Variants in NLGN1 observed in about 807,000 individuals in gnomAD.
The protein encoded by NLGN1 is neuroligin-1.
In NLGN1, 12 loss-of-function variants were observed where a neutral mutation model predicts 65.5. That is an observed-to-expected ratio of 0.18 (90% CI 0.12 to 0.30). NLGN1 has a LOEUF of 0.30. Among genes scored for constraint, NLGN1 ranks in the 10% least tolerant of loss-of-function variants. The pLI, the probability that NLGN1 is intolerant of heterozygous loss-of-function variation, is 1.00. For synonymous variants in NLGN1, 350 were observed against 359.5 expected (o/e 0.97, Z 0.30); for missense variants, 750 against 1,007.1 (o/e 0.74, Z 3.46).
At chr3:173,437,513 G>A (rs1191360450) in intron 2 of NLGN1, among the ~76,000 whole-genome samples, 1 of 152,170 alleles carries the variant, frequency 6.6e-6, no homozygotes, top group Non-Finnish European at 1.5e-5. Flanking sequence ...GCTTTTGAAC[G>A]TTGATGGATA....
intron 3 of NLGN1, among the ~76,000 whole-genome samples, chr3:173,788,775 C>G (rs1263878091): frequency 7.6e-6 from 1 of 131,522 alleles, no homozygotes; most frequent in Non-Finnish European, 1.5e-5. Context: ...GTGCCATGAT[C>G]ACACCTGTGA....
intron 2 of NLGN1, chr3:173,585,015 G>A (rs1231211216): frequency 4.6e-5 from 7 of 152,248 alleles, no homozygotes; most frequent in Non-Finnish European, 1.0e-4. Context: ...GGCTCCCTCT[G>A]TGGATTTATC....
chr3:173,868,794 G>A (rs1484226870), intron 4 of NLGN1, among the ~76,000 whole-genome samples: 1 of 152,126 alleles, frequency 6.6e-6, no homozygotes, highest in Non-Finnish European at 1.5e-5. Context: ...ATTTTAACAA[G>A]CATCTCAGGT....
chr3:173,895,304 G>C (rs1433250554), intron 4 of NLGN1, among the ~76,000 whole-genome samples: 1 of 152,076 alleles, frequency 6.6e-6, no homozygotes, highest in Non-Finnish European at 1.5e-5. Flanking sequence ...TATAGTCACA[G>C]GTTCTTGGGA....
chr3:174,009,965 C>T (rs575347165), intron 4 of NLGN1, among the ~76,000 whole-genome samples: 3 of 152,142 alleles, frequency 2.0e-5, no homozygotes, highest in African/African-American at 7.2e-5. Flanking sequence ...GAGCATCCCC[C>T]TAACCTGGTA....
chr3:173,539,392 AACAT>A (rs951022218), intron 2 of NLGN1, among the ~76,000 whole-genome samples: 1 of 146,886 alleles, frequency 6.8e-6, no homozygotes, highest in African/African-American at 2.5e-5. Context: ...ATATATAAAA[AACAT>A]ATATATGTTA....
intron 2 of NLGN1, among the ~76,000 whole-genome samples, chr3:173,482,480 C>G (rs912335941): frequency 4.6e-5 from 7 of 151,874 alleles, no homozygotes; most frequent in African/African-American, 1.7e-4. Context: ...TCAGAAATTT[C>G]CTGGATAGAT....
At chr3:173,769,541 T>C (rs185067219) in intron 3 of NLGN1, among the ~76,000 whole-genome samples, 77 of 152,320 alleles carry the variant, frequency 5.1e-4, no homozygotes, top group African/African-American at 1.7e-3. Context: ...GGGGTAATAA[T>C]ACATGCTATG....
chr3:174,095,222 T>TAAA (rs1189638040), intron 4 of NLGN1, among the ~76,000 whole-genome samples: 1 of 114,826 alleles, frequency 8.7e-6, no homozygotes. Flanking sequence ...TTTTAAAAAC[T>TAAA]AAAAAAAAAA....
At chr3:174,093,063 G>A (rs73880338) in intron 4 of NLGN1, among the ~76,000 whole-genome samples, 2,125 of 152,118 alleles carry the variant, frequency 0.014, 37 homozygotes, top group African/African-American at 0.044. Context: ...TCAAACTCTC[G>A]GGTCACTTTA....
exon 7 of NLGN1, chr3:174,285,198 ATGAAT>A (rs954164845): frequency 2.5e-4 from 38 of 151,492 alleles, no homozygotes; most frequent in African/African-American, 7.0e-4. Context: ...GGATGAAATG[ATGAAT>A]TGAATTCTTA....
At chr3:173,496,519 A>G (rs996357475) in intron 2 of NLGN1, among the ~76,000 whole-genome samples, 2 of 151,844 alleles carry the variant, frequency 1.3e-5, no homozygotes, top group Non-Finnish European at 2.9e-5. Context: ...AAACATGGGA[A>G]TATCTGAGAT....
At chr3:174,224,362 A>T (rs558070339) in intron 4 of NLGN1, among the ~76,000 whole-genome samples, 1 of 152,218 alleles carries the variant, frequency 6.6e-6, no homozygotes, top group African/African-American at 2.4e-5. Context: ...TGACATGGGA[A>T]TCAAAAAGAA....
intron 4 of NLGN1, among the ~76,000 whole-genome samples, chr3:174,066,210 A>G (rs1014497248): frequency 6.6e-6 from 1 of 152,074 alleles, no homozygotes; most frequent in Non-Finnish European, 1.5e-5. Flanking sequence ...CACTAATACA[A>G]ATTTTCAGAG....
chr3:174,087,881 G>C (rs58728441), intron 4 of NLGN1, among the ~76,000 whole-genome samples: 3,578 of 152,236 alleles, frequency 0.024, 141 homozygotes, highest in African/African-American at 0.082. Context: ...AAGCAAATGA[G>C]TTCTCCATTT....
intron 2 of NLGN1, among the ~76,000 whole-genome samples, chr3:173,564,541 A>C (rs1448391560): frequency 6.6e-6 from 1 of 152,120 alleles, no homozygotes; most frequent in Non-Finnish European, 1.5e-5. Context: ...ATGTTAAGTG[A>C]TCTTCTGACT....
At chr3:173,590,511 G>C (rs1450703011) in intron 2 of NLGN1, among the ~76,000 whole-genome samples, 3 of 152,082 alleles carry the variant, frequency 2.0e-5, no homozygotes, top group Admixed American at 6.6e-5. Flanking sequence ...GGGGATTTTT[G>C]TCTGGTTTGT....
chr3:173,826,748 C>CA (rs1721412920), intron 4 of NLGN1, among the ~76,000 whole-genome samples: 1 of 151,940 alleles, frequency 6.6e-6, no homozygotes, highest in South Asian at 2.1e-4. Flanking sequence ...GATTAGTTTT[C>CA]AAAAAAGATG....
downstream of NLGN1, among the ~76,000 whole-genome samples, chr3:174,289,251 C>T (rs973114480): frequency 2.6e-5 from 4 of 151,328 alleles, no homozygotes; most frequent in East Asian, 1.9e-4. Flanking sequence ...ATACCACCCT[C>T]GAAATATCTA....
Sources: allele counts gnomAD v4.1 joint callset (sites outside exome capture counted in the v4.1 genomes callset), GRCh38; gene constraint gnomAD v4.1.1; transcripts MANE v1.5; gene names NCBI Gene and HGNC (gene_info 2026-07-23, HGNC 2026-07-21).